Variants in WARS1 observed in about 807,000 individuals in gnomAD.
The protein encoded by WARS1 is tryptophan--tRNA ligase, cytoplasmic.
In WARS1, 17 loss-of-function variants were observed where a neutral mutation model predicts 47.8. The ratio of observed to expected loss-of-function variants is 0.36; its 90% CI spans 0.24 to 0.53. The LOEUF is 0.53. WARS1 is among the 20% of genes least tolerant of loss of function. The pLI, the probability that WARS1 is intolerant of heterozygous loss-of-function variation, is 0.91. For synonymous variants in WARS1, 208 were observed against 228.1 expected (o/e 0.91, Z 0.79); for missense variants, 434 against 608.0 (o/e 0.71, Z 3.01).
rs557463758 is a variant in WARS1, at chr14:100,372,500, G to A, written c.-74+2783C>T. Among the ~76,000 whole-genome samples the A allele has an allele frequency of 5.3e-5, 8 of 152,256 alleles. No individual in the cohort carries two copies. The East Asian group carries it at 1.4e-3, about 26-fold the overall frequency. On this transcript the variant is annotated intron_variant, in intron 1 of 10. Transcript: ENST00000392882. ...TGAGATAACTGACTCAGATAAGAAA[G>A]CATCCAGTTTAGGGAGGAATGCCGG...
In WARS1 at chr14:100,358,678, G is replaced by T. The variant is rs189088720; in HGVS notation, c.422+1876C>A. 3.1e-3 allele frequency among the ~76,000 whole-genome samples: 468 copies of T among 152,150 alleles called. 2 individuals are homozygous for T. Among genetic ancestry groups the T allele is most frequent in the African/African-American group, 0.011 (444 of 41,504 alleles). The stretch of plus-strand genomic sequence containing the variant: ...CAATCAATCAAAGATAAAATAAACT[G>T]GACTTCATCAAAATTAAAAACTTTC... On this transcript the variant is annotated intron_variant, in intron 4 of 10. Coordinates refer to ENST00000392882, the MANE Select transcript of WARS1 (RefSeq NM_004184.4).
At chr14:100,345,436 G>T (rs966556238) in intron 7 of WARS1, among the ~76,000 whole-genome samples, 13 of 152,112 alleles carry the variant, frequency 8.5e-5, no homozygotes, top group Non-Finnish European at 1.0e-4. Context: ...TGCAAGATGT[G>T]CTTTGTTAAA....
chr14:100,365,110 C>T (rs1427489572), intron 2 of WARS1, among the ~76,000 whole-genome samples: 1 of 130,188 alleles, frequency 7.7e-6, no homozygotes, highest in Admixed American at 7.8e-5. Context: ...AGAGCGAGAC[C>T]CTGTCTCAAA....
chr14:100,339,892 C>T (rs1335022145), intron 9 of WARS1: 1 of 152,206 alleles, frequency 6.6e-6, no homozygotes, highest in African/African-American at 2.4e-5. Context: ...CTGGTGTCTG[C>T]TGCATGTTTT....
intron 1 of WARS1, among the ~76,000 whole-genome samples, chr14:100,372,353 A>G (rs901429775): frequency 7.9e-5 from 12 of 152,218 alleles, no homozygotes; most frequent in Non-Finnish European, 1.6e-4. Flanking sequence ...AAAAAAAAGT[A>G]TGTAAATCAA....
chr14:100,364,083 G>C (rs146740822), intron 2 of WARS1, among the ~76,000 whole-genome samples: 127 of 152,244 alleles, frequency 8.3e-4, no homozygotes, highest in African/African-American at 3.0e-3. Flanking sequence ...TTTGGGTGCT[G>C]GTTACACAGG....
In WARS1 at chr14:100,344,217, C is replaced by T. The variant is rs902976432; in HGVS notation, c.827-830G>A. 4.1e-4 allele frequency among the ~76,000 whole-genome samples: 62 copies of T among 152,184 alleles called. 1 individual carries two copies. In the Middle Eastern group the frequency reaches 0.01, roughly 25 times the overall value. The stretch of plus-strand genomic sequence containing the variant: ...CCTGCCTCAGCCTGCCGAGTGCCTG[C>T]AATTGCAGGCGCGCGCCGCCACGCC... On this transcript the variant is annotated intron_variant, in intron 7 of 10. Coordinates refer to ENST00000392882, the MANE Select transcript of WARS1 (RefSeq NM_004184.4).
chr14:100,362,221 T>C (rs138489597), intron 2 of WARS1, among the ~76,000 whole-genome samples: 60 of 152,344 alleles, frequency 3.9e-4, no homozygotes, highest in African/African-American at 1.2e-3. Flanking sequence ...AGTGACACAA[T>C]ATACACTGTC....
chr14:100,343,504 T>TA (rs1241981242), intron 7 of WARS1, 117 bp from the exon 8 acceptor site: 89 of 689,764 alleles, frequency 1.3e-4, no homozygotes, highest in Non-Finnish European at 2.0e-4. Context: ...AAAATAAATC[T>TA]AAAAAATACA....
chr14:100,354,423 A>G, intron 5 of WARS1, 24 bp downstream of exon 5: 2 of 1,605,742 alleles, frequency 1.2e-6, no homozygotes, highest in Non-Finnish European at 1.7e-6. Context: ...GAGAGTAAGA[A>G]AAGCCATAAG....
chr14:100,360,577 G>C lies in WARS1; in HGVS notation c.399C>G (p.Arg133=), dbSNP rs1895600664. 1 of 1,613,702 alleles carries C rather than the reference G, an allele frequency of 6.2e-7. No individual in the cohort carries two copies. The highest frequency in any genetic ancestry group is 2.2e-5 in the East Asian group (1 of 44,878). Residue 133 remains arginine (R), a synonymous_variant, in exon 4 of 11, where the codon CGC becomes CGG. Coordinates refer to ENST00000392882, the MANE Select transcript of WARS1 (RefSeq NM_004184.4). ...ATGQRPHHFL[R]RGIFFSHRDM... Reference sequence around the variant, plus strand: ...ACCTGTGTGAGAAGAAGATGCCTCTGCGCAGGAAGTGGTGTGGTCTTTGGC... The same window carrying C: ...ACCTGTGTGAGAAGAAGATGCCTCTCCGCAGGAAGTGGTGTGGTCTTTGGC...
intron 8 of WARS1, among the ~76,000 whole-genome samples, chr14:100,343,021 C>T (rs1399846819): frequency 1.3e-5 from 2 of 152,116 alleles, no homozygotes; most frequent in African/African-American, 2.4e-5. Flanking sequence ...GGATTACAGG[C>T]GCCTGCCACC....
At chr14:100,344,971 G>A (rs1034772823) in intron 7 of WARS1, among the ~76,000 whole-genome samples, 2 of 149,474 alleles carry the variant, frequency 1.3e-5, no homozygotes, top group East Asian at 2.0e-4. Context: ...CCCCCCGCCC[G>A]GCCAGCCGCC....
intron 4 of WARS1, among the ~76,000 whole-genome samples, chr14:100,355,472 C>T (rs1309516898): frequency 2.0e-5 from 3 of 152,046 alleles, no homozygotes; most frequent in East Asian, 3.9e-4. Flanking sequence ...TTGCCTGCCT[C>T]GGCCTCCCAA....
Position 100,342,406 on chromosome 14 carries a change from T to C in WARS1, c.1105A>G (p.Lys369Glu), listed in dbSNP as rs1485276689. 3.1e-6 allele frequency: 5 copies of C among 1,613,922 alleles called. No homozygotes were observed. In the East Asian group the frequency reaches 1.1e-4, roughly 36 times the overall value. Residue 369 changes from lysine to glutamate, a missense_variant, in exon 9 of 11, where the codon AAA becomes GAA. This residue lies in a region of WARS1 where 347 missense variants were observed against 523.8 expected (regional missense o/e 0.66). Coordinates refer to ENST00000392882, the MANE Select transcript of WARS1 (RefSeq NM_004184.4). ...IFLTDTAKQI[K>E]TKVNKHAFSG... ...CCTGGGCCACTGCTCACCTTGGTTT[T>C]GATCTGCTTGGCCGTGTCGGTGAGG... is the stretch of plus-strand genomic sequence containing the variant.
intron 2 of WARS1, among the ~76,000 whole-genome samples, chr14:100,364,367 T>G (rs1345304165): frequency 1.2e-4 from 19 of 152,188 alleles, no homozygotes; most frequent in Admixed American, 1.1e-3. Context: ...ATGTGGATCT[T>G]ATTCTTTAGA....
chr14:100,372,756 C>T (rs2140102913), intron 1 of WARS1, among the ~76,000 whole-genome samples: 1 of 152,308 alleles, frequency 6.6e-6, no homozygotes, highest in South Asian at 2.1e-4. Flanking sequence ...ATGTGCCCTG[C>T]AATAGCAGAC....
At chr14:100,342,174 T>A in intron 9 of WARS1, 2 of 607,302 alleles carry the variant, frequency 3.3e-6, no homozygotes, top group South Asian at 1.8e-5. Context: ...ATTCAAAATT[T>A]TACCTAAATG....
At chr14:100,343,432 T>C in intron 7 of WARS1, 45 bp from the exon 8 acceptor site, 2 of 1,411,292 alleles carry the variant, frequency 1.4e-6, no homozygotes, top group South Asian at 1.3e-5. Flanking sequence ...TGAGTTCCTG[T>C]TCTGCTTAGT....
Sources: allele counts gnomAD v4.1 joint callset (sites outside exome capture counted in the v4.1 genomes callset), GRCh38; gene constraint gnomAD v4.1.1; regional missense constraint gnomAD v4.1.1; transcripts MANE v1.5; gene names NCBI Gene and HGNC (gene_info 2026-07-23, HGNC 2026-07-21).